Variants in ZNF17 observed in about 807,000 individuals in gnomAD.
ZNF17 encodes the protein zinc finger protein 17 (HPF3, KOX 10).
In ZNF17, 4 loss-of-function variants were observed where a neutral mutation model predicts 7.7. The observed-to-expected ratio is 0.52, with a 90% confidence interval of 0.26 to 1.20. The LOEUF is 1.20. Ranked by LOEUF, ZNF17 falls within the 50% of genes most tolerant of loss-of-function variation. The pLI is 0.14. For missense variants in ZNF17, 738 were observed against 799.5 expected, an observed-to-expected ratio of 0.92 and a Z score of 0.93; for synonymous variants, 249 against 258.8, an observed-to-expected ratio of 0.96 and a Z score of 0.36.
At chr19:57,415,725 T>C (rs1415985964) in intron 2 of ZNF17, among the ~76,000 whole-genome samples, 1 of 151,712 alleles carries the variant, frequency 6.6e-6, no homozygotes, top group African/African-American at 2.4e-5. Context: ...CTTTGGAAAA[T>C]AAAGGCTTTT....
At position 57,411,199 on chromosome 19, in the gene ZNF17, A is replaced by C. The variant is rs1369846344; in HGVS notation, c.-228A>C. ...GGGTTGTCAATATGGCTGCGTTGGG[A>C]TCTGTTCACCTTCAGGCTGAGTCGA... On this transcript the variant is annotated 5_prime_UTR_variant, in exon 1 of 4. Transcript: ENST00000307658. 9.7e-6 allele frequency: 7 copies of C among 720,862 alleles called. No homozygotes were observed. Among genetic ancestry groups the C allele is most frequent in the African/African-American group, 3.6e-5 (2 of 55,888 alleles). 44.7% of individuals were successfully genotyped at this position (720,862 alleles called of 1,614,324 possible).
intron 3 of ZNF17, 70 bp from the exon 4 acceptor site, chr19:57,419,563 GAC>G: frequency 6.7e-7 from 1 of 1,501,826 alleles, no homozygotes; most frequent in Non-Finnish European, 9.0e-7. Flanking sequence ...GAGTTGGTCT[GAC>G]AGACATTTGT....
At chr19:57,415,423 G>A (rs1568537668) in intron 2 of ZNF17, among the ~76,000 whole-genome samples, 1 of 152,192 alleles carries the variant, frequency 6.6e-6, no homozygotes, top group Non-Finnish European at 1.5e-5. Context: ...TGCCAGACTG[G>A]CAGTTGAACA....
In ZNF17 at chr19:57,420,140, GC is replaced by G; in HGVS notation, c.656del (p.Pro219LeufsTer241). ...ACCAGAAAATCCACACAGAGGAAAG[GC>G]CTTATGAGTGCAGTGAATGTGGCAA... ...EHQKIHTEER[P>X]YECSECGKLF... On this transcript the variant is annotated frameshift_variant, in exon 4 of 4. Transcript: ENST00000307658. LOFTEE classifies it low-confidence loss of function (END_TRUNC). 6.2e-7 allele frequency: 1 copy of G among 1,614,210 alleles called. No individual in the cohort carries two copies. The highest frequency in any genetic ancestry group is 1.3e-5 in the African/African-American group (1 of 75,062).
rs1309539677 is a variant in ZNF17 at position 57,417,993 on chromosome 19, C to T, written c.103C>T (p.His35Tyr). 2.5e-6 allele frequency: 4 copies of T among 1,614,028 alleles called. No homozygotes were observed. The highest frequency in any genetic ancestry group is 3.4e-6 in the Non-Finnish European group (4 of 1,180,052). Residue 35 changes from histidine (H) to tyrosine (Y), a missense_variant, in exon 3 of 4, where the codon CAC (histidine) becomes TAC (tyrosine). Coordinates refer to ENST00000307658, the MANE Select transcript of ZNF17 (RefSeq NM_001330617.2). The part of the protein sequence containing the change: ...GILNDVQRHL[H>Y]SDVMLENFAL... ...TCTTAATGACGTTCAGAGACACCTG[C>T]ACAGCGATGTGATGCTGGAGAACTT...
chr19:57,418,845 C>T (rs1170857952), intron 3 of ZNF17, among the ~76,000 whole-genome samples: 5 of 152,050 alleles, frequency 3.3e-5, no homozygotes, highest in Non-Finnish European at 7.4e-5. Flanking sequence ...TCTGACCCTA[C>T]GTCTCTGGCC....
intron 2 of ZNF17, among the ~76,000 whole-genome samples, chr19:57,413,888 G>T (rs1020841968): frequency 1.3e-5 from 2 of 152,094 alleles, no homozygotes; most frequent in Non-Finnish European, 2.9e-5. Flanking sequence ...TCAAATGCTT[G>T]GTGGTGAGAC....
At chr19:57,415,688 T>G (rs574470104) in intron 2 of ZNF17, among the ~76,000 whole-genome samples, 1 of 152,228 alleles carries the variant, frequency 6.6e-6, no homozygotes, top group South Asian at 2.1e-4. Flanking sequence ...TGTGTGTGTG[T>G]ATTTGTGTGT....
intron 2 of ZNF17, among the ~76,000 whole-genome samples, chr19:57,415,768 G>A (rs540406339): frequency 8.3e-4 from 126 of 152,238 alleles, no homozygotes; most frequent in African/African-American, 3.0e-3. Flanking sequence ...GTTGGATGGT[G>A]AGGCATCTCC....
At position 57,421,343 on chromosome 19, in the gene ZNF17, A is replaced by G; in HGVS notation, c.1857A>G (p.Lys619=). 6.2e-7 allele frequency: 1 copy of G among 1,614,212 alleles called. No homozygotes were observed. Among genetic ancestry groups the G allele is most frequent in the South Asian group, 1.1e-5 (1 of 91,084 alleles). The change falls in exon 4 of 4, where the codon AAA becomes AAG. Residue 619 remains lysine (K), a synonymous_variant. Transcript: ENST00000307658. ...EKPYECSECG[K]VFRYNSSLIK... ...CTTATGAGTGCAGTGAATGTGGGAA[A>G]GTCTTTAGATACAACTCCAGCCTCA...
chr19:57,411,259 G>A lies in ZNF17; in HGVS notation c.-168G>A. On this transcript the variant is annotated 5_prime_UTR_variant, in exon 1 of 4. Coordinates refer to ENST00000307658, the MANE Select transcript of ZNF17 (RefSeq NM_001330617.2). ...GAAAAAGCGGAAAAACGCGAGAAAA[G>A]GTTTCCCCGTTGTACAGAGGCTAGA... 1 of 1,299,268 alleles carries A rather than the reference G, an allele frequency of 7.7e-7. No homozygotes were observed. The highest frequency in any genetic ancestry group is 2.6e-5 in the Admixed American group (1 of 38,398). 80.5% of individuals were successfully genotyped at this position (1,299,268 alleles called of 1,614,324 possible).
rs992039230 is a variant in ZNF17, at chr19:57,421,543, C to G, written c.*62C>G. On this transcript the variant is annotated 3_prime_UTR_variant, in exon 4 of 4. Transcript: ENST00000307658. ...CACAGAAATCTACTCTGATTTAGCA[C>G]TGGGACCTACGTTTTAAAAAAAGTA... 5.3e-6 allele frequency: 8 copies of G among 1,504,604 alleles called. No homozygotes were observed. The Admixed American group carries it at 9.0e-5, about 17-fold the overall frequency. 93.2% of individuals were successfully genotyped at this position (1,504,604 alleles called of 1,614,324 possible).
chr19:57,418,884 T>G (rs1389637350), intron 3 of ZNF17, among the ~76,000 whole-genome samples: 2 of 44,330 alleles, frequency 4.5e-5, no homozygotes, highest in Admixed American at 1.5e-4. Flanking sequence ...CCGTTTTTTG[T>G]TTTTTTTTTG....
At chr19:57,414,550 G>T (rs1275289055) in intron 2 of ZNF17, among the ~76,000 whole-genome samples, 2 of 151,348 alleles carry the variant, frequency 1.3e-5, no homozygotes, top group African/African-American at 4.9e-5. Flanking sequence ...GGCCAGGCTG[G>T]TCTCGAACTC....
chr19:57,414,450 T>G (rs1006273567), intron 2 of ZNF17, among the ~76,000 whole-genome samples: 1 of 151,550 alleles, frequency 6.6e-6, no homozygotes, highest in African/African-American at 2.4e-5. Flanking sequence ...TTCTCCTGCC[T>G]CAGCCTTCCA....
chr19:57,413,733 C>T, intron 2 of ZNF17, 97 bp downstream of exon 2: 2 of 1,449,652 alleles, frequency 1.4e-6, no homozygotes, highest in South Asian at 1.2e-5. Context: ...ACCTTTTCTT[C>T]TCTCTCCCTT....
In ZNF17 at chr19:57,420,160, G is replaced by A; in HGVS notation, c.674G>A (p.Cys225Tyr). Residue 225 changes from cysteine to tyrosine, a missense_variant, in exon 4 of 4, where the codon TGT (cysteine) becomes TAT (tyrosine). Cys to Tyr is a radical substitution (Grantham distance 194). Coordinates refer to ENST00000307658, the MANE Select transcript of ZNF17 (RefSeq NM_001330617.2). ...TEERPYECSE[C>Y]GKLFRYNSDL... is the part of the protein sequence containing the mutation. ...GAAAGGCCTTATGAGTGCAGTGAATGTGGCAAATTGTTTAGGTACAACTCC... is the reference window on the plus strand; with the variant it reads ...GAAAGGCCTTATGAGTGCAGTGAATATGGCAAATTGTTTAGGTACAACTCC... 6.2e-7 allele frequency: 1 copy of A among 1,613,262 alleles called. No individual in the cohort carries two copies. The highest frequency in any genetic ancestry group is 8.5e-7 in the Non-Finnish European group (1 of 1,179,178).
At position 57,411,242 on chromosome 19, in the gene ZNF17, G is replaced by T. The variant is rs1253143673; in HGVS notation, c.-185G>T. The T allele has an allele frequency of 1.7e-6, 2 of 1,173,768 alleles. No homozygotes were observed. Among genetic ancestry groups the T allele is most frequent in the Non-Finnish European group, 2.4e-6 (2 of 848,556 alleles). The allele number at this position is 1,173,768 out of a possible 1,614,324, so 72.7% of individuals were successfully genotyped here. A position where few individuals can be genotyped will look rare whatever the true frequency, so the allele number is the denominator to read the frequency against. On this transcript the variant is annotated 5_prime_UTR_variant, in exon 1 of 4. Transcript: ENST00000307658. ...TGAGTCGAGACTGAGGTGAAAAAGC[G>T]GAAAAACGCGAGAAAAGGTTTCCCC... is the stretch of plus-strand genomic sequence containing the variant.
Position 57,419,858 on chromosome 19 carries a change from A to G in ZNF17, c.372A>G (p.Arg124=), listed in dbSNP as rs983540629. ...ACCTGCACCAAAAGGAGCATCTTAG[A>G]GAGAAGCTCACCAGAAGTGATGAAG... is the stretch of plus-strand genomic sequence containing the variant. ...KLYLHQKEHL[R]EKLTRSDEGR... Residue 124 remains arginine (R), a synonymous_variant, in exon 4 of 4, where the codon AGA becomes AGG. Coordinates refer to ENST00000307658, the MANE Select transcript of ZNF17 (RefSeq NM_001330617.2). 6.2e-7 allele frequency: 1 copy of G among 1,614,072 alleles called. No individual in the cohort carries two copies. The highest frequency in any genetic ancestry group is 1.3e-5 in the African/African-American group (1 of 74,926).
Sources: gnomAD v4.1 joint callset for allele counts (sites outside exome capture counted in the v4.1 genomes callset) on GRCh38, gnomAD v4.1.1 for gene constraint, MANE v1.5 for transcripts, NCBI Gene and HGNC (gene_info 2026-07-23, HGNC 2026-07-21) for gene names.